The following BMPER variants were observed in gnomAD, a reference collection of about 807,000 sequenced individuals.
The protein encoded by BMPER is BMP binding endothelial regulator.
BMPER carries 45 observed loss-of-function variants against 87.3 expected under a neutral mutation model. The ratio of observed to expected loss-of-function variants is 0.52; its 90% CI spans 0.41 to 0.66. The LOEUF is 0.66. Among genes scored for constraint, BMPER ranks in the 30% least tolerant of loss-of-function variants. BMPER has a pLI of 0.00. For missense variants in BMPER, 784 were observed against 867.5 expected (o/e 0.90, Z 1.21); for synonymous variants, 326 against 316.2 (o/e 1.03, Z -0.33).
intron 6 of BMPER, among the ~76,000 whole-genome samples, chr7:34,021,648 C>G (rs1787190707): frequency 6.6e-6 from 1 of 151,982 alleles, no homozygotes; most frequent in African/African-American, 2.4e-5. Context: ...GTTTCTAATG[C>G]TTTACTGAAG....
At chr7:33,961,637 A>C (rs1785273808) in intron 3 of BMPER, among the ~76,000 whole-genome samples, 2 of 152,316 alleles carry the variant, frequency 1.3e-5, no homozygotes, top group South Asian at 4.1e-4. Context: ...GAAGAAGGAA[A>C]GCCCGGTCAG....
intron 3 of BMPER, among the ~76,000 whole-genome samples, chr7:33,962,958 C>A (rs993343177): frequency 6.6e-6 from 1 of 152,022 alleles, no homozygotes. Context: ...ATTCCTGGGC[C>A]ATGAAGTCCT....
chr7:33,928,639 C>CAAAAAAAAA (rs35451161), intron 2 of BMPER, among the ~76,000 whole-genome samples: 1 of 49,092 alleles, frequency 2.0e-5, no homozygotes, highest in Non-Finnish European at 3.5e-5. Context: ...TTGAAAAAGC[C>CAAAAAAAAA]AAAAAAAAAA....
At chr7:33,931,631 A>G (rs1784483542) in intron 2 of BMPER, among the ~76,000 whole-genome samples, 1 of 152,180 alleles carries the variant, frequency 6.6e-6, no homozygotes, top group Non-Finnish European at 1.5e-5. Flanking sequence ...TTCAAGGAGA[A>G]GTTGACTCTT....
chr7:34,016,001 AGAGAGAGT>A (rs990650430), intron 6 of BMPER, among the ~76,000 whole-genome samples: 1 of 151,700 alleles, frequency 6.6e-6, no homozygotes, highest in African/African-American at 2.4e-5. Context: ...AGAGAGGAAG[AGAGAGAGT>A]GAGAGAGAGA....
intron 13 of BMPER, among the ~76,000 whole-genome samples, chr7:34,122,307 G>A (rs142924751): frequency 2.0e-5 from 3 of 152,270 alleles, no homozygotes; most frequent in East Asian, 1.9e-4. Flanking sequence ...CCGGTATTCC[G>A]CAAATCATAC....
At chr7:33,991,510 T>G (rs1434771233) in intron 6 of BMPER, among the ~76,000 whole-genome samples, 2 of 152,160 alleles carry the variant, frequency 1.3e-5, no homozygotes, top group Non-Finnish European at 2.9e-5. Flanking sequence ...TCTCTCTTTT[T>G]TTCTTTATTA....
chr7:34,080,492 T>C (rs1307320536), intron 12 of BMPER, among the ~76,000 whole-genome samples: 1 of 151,720 alleles, frequency 6.6e-6, no homozygotes, highest in African/African-American at 2.4e-5. Context: ...ATTCTTTATT[T>C]CACAGTTGTG....
chr7:34,148,444 A>G (rs569778576), intron 14 of BMPER, among the ~76,000 whole-genome samples: 27 of 152,122 alleles, frequency 1.8e-4, no homozygotes, highest in African/African-American at 6.3e-4. Context: ...TGTAAGCCCA[A>G]CCTCCTGTAA....
At chr7:33,947,771 A>G (rs929929818) in intron 3 of BMPER, among the ~76,000 whole-genome samples, 11 of 152,174 alleles carry the variant, frequency 7.2e-5, no homozygotes, top group Non-Finnish European at 1.0e-4. Flanking sequence ...ATTATTAATT[A>G]TAGGTTGCCT....
intron 6 of BMPER, among the ~76,000 whole-genome samples, chr7:33,985,916 T>C (rs910012140): frequency 1.3e-5 from 2 of 152,214 alleles, no homozygotes; most frequent in African/African-American, 4.8e-5. Flanking sequence ...GCATGGTAGA[T>C]AATTGCATAG....
Position 33,969,765 on chromosome 7 carries a change from T to C in BMPER, c.403-564T>C, listed in dbSNP as rs992026700. ...TATATAATATGAACTTAAAAATAGTTTTGTCTAATCCCTTCCTTTGATGCT... is the reference window on the plus strand; with the variant it reads ...TATATAATATGAACTTAAAAATAGTCTTGTCTAATCCCTTCCTTTGATGCT... On this transcript the variant is annotated intron_variant, in intron 4 of 14. Coordinates refer to ENST00000649409, the MANE Select transcript of BMPER (RefSeq NM_001365308.1). Among the ~76,000 whole-genome samples the C allele has an allele frequency of 1.4e-4, 22 of 152,230 alleles. 1 individual carries two copies. The highest frequency in any genetic ancestry group is 9.6e-4 in the East Asian group (5 of 5,198).
At chr7:33,945,233 G>A (rs1394664898) in intron 3 of BMPER, among the ~76,000 whole-genome samples, 7 of 137,978 alleles carry the variant, frequency 5.1e-5, no homozygotes, top group Non-Finnish European at 7.7e-5. Context: ...GAGCCACCGC[G>A]CCTGGACTTC....
At chr7:33,905,832 GA>G in intron 1 of BMPER, 86 bp downstream of exon 1, 18 of 988,038 alleles carry the variant, frequency 1.8e-5, no homozygotes, top group East Asian at 3.3e-5. Flanking sequence ...CCGGGGATGG[GA>G]GGGTGGGGAG....
At chr7:33,917,365 A>T (rs1784109523) in intron 2 of BMPER, among the ~76,000 whole-genome samples, 1 of 152,104 alleles carries the variant, frequency 6.6e-6, no homozygotes, top group Admixed American at 6.5e-5. Context: ...CAAAGGCCTT[A>T]TTGTATGTAC....
chr7:34,146,761 A>T (rs988387773), intron 14 of BMPER, among the ~76,000 whole-genome samples: 43 of 152,180 alleles, frequency 2.8e-4, no homozygotes, highest in Non-Finnish European at 2.9e-4. Flanking sequence ...CCCGTCCTTA[A>T]TCATTATGAG....
chr7:34,029,695 T>G (rs1331628054), intron 6 of BMPER, among the ~76,000 whole-genome samples: 1 of 152,058 alleles, frequency 6.6e-6, no homozygotes, highest in Non-Finnish European at 1.5e-5. Flanking sequence ...TGTATCACTT[T>G]TTTAAGGCCT....
At chr7:34,100,651 T>C (rs1366130920) in intron 13 of BMPER, among the ~76,000 whole-genome samples, 1 of 152,202 alleles carries the variant, frequency 6.6e-6, no homozygotes, top group Non-Finnish European at 1.5e-5. Flanking sequence ...AGATCCCTCT[T>C]GTGGAGTTTT....
intron 7 of BMPER, among the ~76,000 whole-genome samples, chr7:34,051,437 A>G (rs1430304124): frequency 1.3e-5 from 2 of 152,280 alleles, no homozygotes; most frequent in East Asian, 1.9e-4. Flanking sequence ...CTCCTCAGGC[A>G]TTATATCTTC....
Sources: allele counts gnomAD v4.1 joint callset (sites outside exome capture counted in the v4.1 genomes callset), GRCh38; gene constraint gnomAD v4.1.1; transcripts MANE v1.5; gene names NCBI Gene and HGNC (gene_info 2026-07-23, HGNC 2026-07-21).